CDH18: variants seen among roughly 807,000 people sequenced by gnomAD.
CDH18 encodes the protein cadherin-18.
A neutral mutation model predicts 67.9 loss-of-function variants in CDH18; 31 were observed. That is an observed-to-expected ratio of 0.46 (90% CI 0.34 to 0.62). The LOEUF is 0.62. Among genes scored for constraint, CDH18 ranks in the 20% least tolerant of loss-of-function variants. CDH18 has a pLI of 0.01. For synonymous variants in CDH18, 362 were observed against 347.2 expected (o/e 1.04, Z -0.48); for missense variants, 890 against 975.5 (o/e 0.91, Z 1.17).
At chr5:19,562,654 T>C (rs1430167371) in intron 8 of CDH18, among the ~76,000 whole-genome samples, 1 of 152,180 alleles carries the variant, frequency 6.6e-6, no homozygotes, top group Non-Finnish European at 1.5e-5. Flanking sequence ...TCACAATACA[T>C]TTGGGCTATA....
At chr5:19,539,389 A>G (rs952397903) in intron 9 of CDH18, among the ~76,000 whole-genome samples, 5 of 152,194 alleles carry the variant, frequency 3.3e-5, no homozygotes, top group African/African-American at 1.2e-4. Flanking sequence ...AAAAACAGGA[A>G]TTTATTTTGG....
intron 6 of CDH18, among the ~76,000 whole-genome samples, chr5:19,607,902 T>G (rs560611759): frequency 6.6e-6 from 1 of 151,796 alleles, no homozygotes; most frequent in African/African-American, 2.4e-5. Flanking sequence ...TGGAGTATTA[T>G]TAGAACTATA....
At chr5:19,569,930 C>T (rs1218512386) in intron 8 of CDH18, among the ~76,000 whole-genome samples, 1 of 151,732 alleles carries the variant, frequency 6.6e-6, no homozygotes, top group Admixed American at 6.6e-5. Flanking sequence ...CTAATGGTTG[C>T]ACTTCCTGTT....
chr5:20,277,535 T>C (rs1255153857), intron 1 of CDH18, among the ~76,000 whole-genome samples: 1 of 152,082 alleles, frequency 6.6e-6, no homozygotes, highest in African/African-American at 2.4e-5. Context: ...CTGGAAAGCC[T>C]TTCTAAGAAG....
At chr5:20,109,990 T>C (rs796841685) in intron 2 of CDH18, among the ~76,000 whole-genome samples, 30 of 152,304 alleles carry the variant, frequency 2.0e-4, no homozygotes, top group African/African-American at 7.0e-4. Context: ...TAGTTTGGAA[T>C]TGTCAATGAG....
chr5:19,922,941 C>T (rs1792668251), intron 2 of CDH18, among the ~76,000 whole-genome samples: 1 of 152,078 alleles, frequency 6.6e-6, no homozygotes, highest in Non-Finnish European at 1.5e-5. Flanking sequence ...TCTCAAATAT[C>T]CTTTTTAAAA....
chr5:20,397,942 C>T (rs1008492036), intron 1 of CDH18, among the ~76,000 whole-genome samples: 4 of 152,092 alleles, frequency 2.6e-5, no homozygotes, highest in Admixed American at 6.6e-5. Context: ...AATTACATTA[C>T]TTTAAAGCTC....
chr5:19,713,935 C>T (rs147971935), intron 5 of CDH18, among the ~76,000 whole-genome samples: 115 of 152,196 alleles, frequency 7.6e-4, no homozygotes, highest in African/African-American at 2.6e-3. Flanking sequence ...CAGCTCAACA[C>T]CTGCCTGGGC....
intron 1 of CDH18, among the ~76,000 whole-genome samples, chr5:20,378,700 A>G (rs1317608359): frequency 2.6e-5 from 4 of 152,112 alleles, no homozygotes. Context: ...GTCTGATTCT[A>G]AGGTATTCAT....
chr5:19,492,030 A>C (rs1741558476), intron 11 of CDH18, among the ~76,000 whole-genome samples: 1 of 152,128 alleles, frequency 6.6e-6, no homozygotes, highest in Non-Finnish European at 1.5e-5. Context: ...CATAATAAAA[A>C]CCGATGTGAG....
At chr5:19,768,983 C>A (rs1186247294) in intron 3 of CDH18, among the ~76,000 whole-genome samples, 1 of 151,804 alleles carries the variant, frequency 6.6e-6, no homozygotes, top group Non-Finnish European at 1.5e-5. Flanking sequence ...AAAGAAACAG[C>A]AACATTGACA....
intron 11 of CDH18, among the ~76,000 whole-genome samples, chr5:19,492,470 T>C (rs1410344947): frequency 1.3e-5 from 2 of 152,154 alleles, no homozygotes; most frequent in Non-Finnish European, 2.9e-5. Flanking sequence ...GATGTGAAGT[T>C]AAGCAGTTAA....
intron 2 of CDH18, among the ~76,000 whole-genome samples, chr5:20,198,598 C>A (rs528127313): frequency 3.3e-5 from 5 of 152,216 alleles, no homozygotes; most frequent in Non-Finnish European, 7.4e-5. Flanking sequence ...AAAAAAGAAA[C>A]CCATTTTTTT....
intron 1 of CDH18, among the ~76,000 whole-genome samples, chr5:20,349,427 C>T (rs192483670): frequency 1.2e-4 from 18 of 152,130 alleles, no homozygotes; most frequent in East Asian, 1.9e-4. Flanking sequence ...CTTCAGAATA[C>T]GCTGGTTTAT....
chr5:20,484,848 G>T (rs1753061996), intron 1 of CDH18, among the ~76,000 whole-genome samples: 2 of 151,998 alleles, frequency 1.3e-5, no homozygotes, highest in South Asian at 4.1e-4. Flanking sequence ...TAGCTAGATA[G>T]AATGAGTAAG....
intron 2 of CDH18, among the ~76,000 whole-genome samples, chr5:19,853,481 T>A (rs1301130150): frequency 6.6e-6 from 1 of 152,118 alleles, no homozygotes; most frequent in Non-Finnish European, 1.5e-5. Flanking sequence ...ATTCTTACAA[T>A]CTAAGTTACA....
At chr5:19,567,385 G>A (rs1056194864) in intron 8 of CDH18, among the ~76,000 whole-genome samples, 5 of 152,022 alleles carry the variant, frequency 3.3e-5, no homozygotes, top group East Asian at 1.9e-4. Flanking sequence ...ACAAAAGACC[G>A]AAGTCAGGAA....
chr5:19,631,362 T>A (rs1183518744), intron 5 of CDH18, among the ~76,000 whole-genome samples: 1 of 152,172 alleles, frequency 6.6e-6, no homozygotes. Context: ...CATTTGAGAA[T>A]CAAGCTGACT....
chr5:19,623,166 A>G (rs1315305531), intron 5 of CDH18, among the ~76,000 whole-genome samples: 1 of 152,228 alleles, frequency 6.6e-6, no homozygotes, highest in Non-Finnish European at 1.5e-5. Context: ...CATTGTAAGC[A>G]TATTTCATGA....
Sources: gnomAD v4.1 joint callset for allele counts (sites outside exome capture counted in the v4.1 genomes callset) on GRCh38, gnomAD v4.1.1 for gene constraint, MANE v1.5 for transcripts, NCBI Gene and HGNC (gene_info 2026-07-23, HGNC 2026-07-21) for gene names.